The following METTL15 variants were observed in gnomAD, a reference collection of about 807,000 sequenced individuals.
The protein encoded by METTL15 is 12S rRNA N(4)-cytidine methyltransferase METTL15.
In METTL15, 34 loss-of-function variants were observed where a neutral mutation model predicts 38.3. That is an observed-to-expected ratio of 0.89 (90% CI 0.68 to 1.18). The LOEUF is 1.18. Ranked by LOEUF, METTL15 falls within the 50% of genes most tolerant of loss-of-function variation. The pLI, the probability that METTL15 is intolerant of heterozygous loss-of-function variation, is 0.00. For missense variants in METTL15, 438 were observed against 498.4 expected, an observed-to-expected ratio of 0.88 and a Z score of 1.15; for synonymous variants, 162 against 170.9, an observed-to-expected ratio of 0.95 and a Z score of 0.41.
At chr11:28,258,491 C>G (rs1025814858) in intron 4 of METTL15, among the ~76,000 whole-genome samples, 5 of 152,094 alleles carry the variant, frequency 3.3e-5, no homozygotes, top group African/African-American at 1.2e-4. Flanking sequence ...TGGGTTGATC[C>G]AGAGGTGCTA....
chr11:28,374,911 C>G lies in METTL15; in HGVS notation c.*358+12875C>G, dbSNP rs941959746. On this transcript the variant is annotated intron_variant and NMD_transcript_variant, in intron 5 of 7. Transcript: ENST00000532947. Reference sequence around the variant, plus strand: ...ATTTTGTCAAAGGCCTTTTCTGCATCTATTGAGATAATCATGTGGTTTTTG... The same window carrying G: ...ATTTTGTCAAAGGCCTTTTCTGCATGTATTGAGATAATCATGTGGTTTTTG... Among the ~76,000 whole-genome samples, 41 of 151,772 alleles carry G rather than the reference C, an allele frequency of 2.7e-4. 1 individual carries two copies. Among genetic ancestry groups the G allele is most frequent in the African/African-American group, 6.0e-4 (25 of 41,426 alleles).
At chr11:28,278,606 C>T (rs959329612) in intron 4 of METTL15, among the ~76,000 whole-genome samples, 1 of 151,960 alleles carries the variant, frequency 6.6e-6, no homozygotes, top group African/African-American at 2.4e-5. Flanking sequence ...TTTATTAAAC[C>T]TTTACTAAGT....
intron 4 of METTL15, among the ~76,000 whole-genome samples, chr11:28,252,392 A>C (rs1202589496): frequency 6.6e-6 from 1 of 152,078 alleles, no homozygotes; most frequent in African/African-American, 2.4e-5. Context: ...ACTTTCTTTA[A>C]ATCTGTAACT....
chr11:28,411,912 T>G (rs113196843), intron 5 of METTL15, among the ~76,000 whole-genome samples: 4 of 152,156 alleles, frequency 2.6e-5, no homozygotes, highest in African/African-American at 9.6e-5. Flanking sequence ...ACAAACAACC[T>G]GATTTTAAAA....
At chr11:28,275,160 G>T (rs981087632) in intron 4 of METTL15, among the ~76,000 whole-genome samples, 1 of 150,358 alleles carries the variant, frequency 6.7e-6, no homozygotes, top group Non-Finnish European at 1.5e-5. Flanking sequence ...CAATATAAAG[G>T]ATCAATGAAA....
rs751560463 is a variant in METTL15 at position 28,290,314 on chromosome 11, T to C, written c.516T>C (p.Cys172=). ...ATGGAGTTCTTATGGATCTTGGGTGTTCCTCCATGCAACTTGATACTCCTG... is the reference window on the plus strand; with the variant it reads ...ATGGAGTTCTTATGGATCTTGGGTGCTCCTCCATGCAACTTGATACTCCTG... ...TFDGVLMDLG[C]SSMQLDTPER... Residue 172 remains cysteine (C), a synonymous_variant, in exon 5 of 7, where the codon TGT becomes TGC. Coordinates refer to ENST00000407364, the MANE Select transcript of METTL15 (RefSeq NM_001113528.2). The C allele has an allele frequency of 1.2e-6, 2 of 1,613,592 alleles. No homozygotes were observed. The highest frequency in any genetic ancestry group is 8.5e-7 in the Non-Finnish European group (1 of 1,179,696).
chr11:28,372,608 CT>C (rs570340999), intron 5 of METTL15, among the ~76,000 whole-genome samples: 67 of 146,686 alleles, frequency 4.6e-4, no homozygotes, highest in African/African-American at 1.1e-3. Context: ...CCACATTATT[CT>C]TTTTTTTTTC....
chr11:28,330,872 T>G lies in METTL15; in HGVS notation c.*31T>G, dbSNP rs1219037580. The G allele has an allele frequency of 2.7e-6, 4 of 1,466,858 alleles. No homozygotes were observed. In the East Asian group the frequency reaches 9.9e-5, roughly 36 times the overall value. 90.9% of individuals were successfully genotyped at this position (1,466,858 alleles called of 1,614,324 possible). A position where few individuals can be genotyped will look rare whatever the true frequency, so the allele number is the denominator to read the frequency against. On this transcript the variant is annotated 3_prime_UTR_variant, in exon 7 of 7. Coordinates refer to ENST00000407364, the MANE Select transcript of METTL15 (RefSeq NM_001113528.2). ...CATCATCTTATTCTTCAAATTTTTT[T>G]CTCACAATTTCTCTAATCTTTACTC...
chr11:28,356,070 T>G lies in METTL15; in HGVS notation c.*258+3912T>G, dbSNP rs1310655132. 3.3e-5 allele frequency among the ~76,000 whole-genome samples: 5 copies of G among 152,178 alleles called. No homozygotes were observed. In the East Asian group the frequency reaches 9.6e-4, roughly 29 times the overall value. ...ACTAGGCTACTAGGGAACATATAAT[T>G]TTATGACTTCAGCTCTTTGCTCCCT... On this transcript the variant is annotated intron_variant and NMD_transcript_variant, in intron 4 of 7. Coordinates refer to the METTL15 transcript ENST00000532947.
At chr11:28,401,548 T>G (rs917384786) in intron 5 of METTL15, among the ~76,000 whole-genome samples, 1 of 151,962 alleles carries the variant, frequency 6.6e-6, no homozygotes, top group African/African-American at 2.4e-5. Flanking sequence ...ACTTTTTTAA[T>G]CCTTCTTCTT....
At chr11:28,351,360 C>G (rs940028906) in intron 3 of METTL15, among the ~76,000 whole-genome samples, 1 of 152,274 alleles carries the variant, frequency 6.6e-6, no homozygotes, top group African/African-American at 2.4e-5. Context: ...ATCCAGTCCA[C>G]CCACCTCAGC....
chr11:28,303,865 A>G (rs7127069), intron 6 of METTL15, among the ~76,000 whole-genome samples: 57,819 of 151,922 alleles, frequency 0.38, 12,657 homozygotes, highest in African/African-American at 0.6. Flanking sequence ...TTGAGGAATA[A>G]GTGAGACCCT....
At chr11:28,432,928 CA>C (rs1033522371) in intron 6 of METTL15, among the ~76,000 whole-genome samples, 8 of 15,924 alleles carry the variant, frequency 5.0e-4, no homozygotes, top group African/African-American at 1.0e-3. Flanking sequence ...TTTTTTTCCA[CA>C]TTTTTTTTTT....
At chr11:28,229,552 C>T (rs1853607168) in intron 4 of METTL15, among the ~76,000 whole-genome samples, 1 of 151,920 alleles carries the variant, frequency 6.6e-6, no homozygotes, top group South Asian at 2.1e-4. Context: ...GTTCTACCCT[C>T]ACAAATGGAA....
intron 6 of METTL15, among the ~76,000 whole-genome samples, chr11:28,319,129 A>G (rs555562388): frequency 2.0e-5 from 3 of 152,120 alleles, no homozygotes; most frequent in Non-Finnish European, 4.4e-5. Context: ...AACTCTTGCA[A>G]CTCGATGCAT....
intron 4 of METTL15, among the ~76,000 whole-genome samples, chr11:28,232,756 C>A (rs1041651598): frequency 6.6e-6 from 1 of 151,818 alleles, no homozygotes; most frequent in African/African-American, 2.4e-5. Flanking sequence ...TTTTAGTGGG[C>A]GTGAAAGGGT....
chr11:28,487,176 C>G (rs1360107132), intron 6 of METTL15, among the ~76,000 whole-genome samples: 1 of 152,006 alleles, frequency 6.6e-6, no homozygotes, highest in Non-Finnish European at 1.5e-5. Flanking sequence ...AGGCACATAC[C>G]TTCTGAAACA....
Position 28,397,230 on chromosome 11 carries a change from A to C in METTL15, c.*359-27069A>C, listed in dbSNP as rs928397512. 1.9e-4 allele frequency among the ~76,000 whole-genome samples: 29 copies of C among 152,236 alleles called. 1 individual carries two copies. The highest frequency in any genetic ancestry group is 6.7e-4 in the African/African-American group (28 of 41,550). On this transcript the variant is annotated intron_variant and NMD_transcript_variant, in intron 5 of 7. Coordinates refer to the METTL15 transcript ENST00000532947. ...CAAAAGCAATGGCAACAAAAGCCAA[A>C]ATTGACAAATGGGATCTAATTGAAC...
intron 3 of METTL15, among the ~76,000 whole-genome samples, chr11:28,347,292 G>T (rs1850004506): frequency 6.6e-6 from 1 of 152,192 alleles, no homozygotes; most frequent in Non-Finnish European, 1.5e-5. Flanking sequence ...GAATAGTAGG[G>T]CAGCCTGATT....
Sources: allele counts gnomAD v4.1 joint callset (sites outside exome capture counted in the v4.1 genomes callset), GRCh38; gene constraint gnomAD v4.1.1; transcripts MANE v1.5; gene names NCBI Gene and HGNC (gene_info 2026-07-23, HGNC 2026-07-21).